The following HTR4 variants were observed in gnomAD, a reference collection of about 807,000 sequenced individuals.
HTR4 encodes the protein 5-hydroxytryptamine receptor 4, also known as 5-hydroxytryptamine (serotonin) receptor 4, G protein-coupled.
A neutral mutation model predicts 36.8 loss-of-function variants in HTR4; 16 were observed. The ratio of observed to expected loss-of-function variants is 0.43; its 90% confidence interval spans 0.29 to 0.66. The LOEUF is 0.66. Ranked by LOEUF, HTR4 falls within the 30% of genes least tolerant of loss-of-function variation. The pLI, the probability that HTR4 is intolerant of heterozygous loss-of-function variation, is 0.13. For synonymous variants in HTR4, 189 were observed against 185.1 expected, an observed-to-expected ratio of 1.02 and a Z score of -0.17; for missense variants, 438 against 490.9, an observed-to-expected ratio of 0.89 and a Z score of 1.02.
chr5:148,584,062 T>C (rs1371316791), intron 2 of HTR4, among the ~76,000 whole-genome samples: 1 of 152,180 alleles, frequency 6.6e-6, no homozygotes, highest in Non-Finnish European at 1.5e-5. Flanking sequence ...TACCCAACTT[T>C]TAGTGGAGAA....
chr5:148,646,908 A>T (rs949780103), intron 1 of HTR4, among the ~76,000 whole-genome samples: 2 of 152,218 alleles, frequency 1.3e-5, no homozygotes, highest in Non-Finnish European at 2.9e-5. Flanking sequence ...ACAAACAACA[A>T]CAACAACAAA....
At chr5:148,548,370 T>A (rs1031530186) in intron 4 of HTR4, among the ~76,000 whole-genome samples, 2 of 152,206 alleles carry the variant, frequency 1.3e-5, no homozygotes, top group African/African-American at 2.4e-5. Context: ...GCCATCAGTA[T>A]AAAATTTACA....
intron 2 of HTR4, among the ~76,000 whole-genome samples, chr5:148,579,743 C>A (rs371369028): frequency 1.3e-5 from 2 of 152,136 alleles, no homozygotes; most frequent in East Asian, 3.9e-4. Flanking sequence ...GCTGAGGTAA[C>A]TTGCAGCTCC....
intron 2 of HTR4, among the ~76,000 whole-genome samples, chr5:148,596,420 C>T (rs1158252884): frequency 2.0e-5 from 3 of 152,140 alleles, no homozygotes; most frequent in Admixed American, 2.0e-4. Flanking sequence ...CTTACCCAAG[C>T]ATTCAAAGCT....
chr5:148,487,877 T>C (rs533178183), intron 6 of HTR4, among the ~76,000 whole-genome samples: 1 of 152,212 alleles, frequency 6.6e-6, no homozygotes, highest in South Asian at 2.1e-4. Context: ...AAATAAAACA[T>C]ACATTTCAGC....
At chr5:148,480,539 C>T (rs1199174282), downstream of HTR4, among the ~76,000 whole-genome samples, 3 of 152,148 alleles carry the variant, frequency 2.0e-5, no homozygotes, top group South Asian at 2.1e-4. Context: ...CCACCATACT[C>T]GGCTAATTTT....
At chr5:148,556,518 A>C (rs1759959031) in intron 2 of HTR4, among the ~76,000 whole-genome samples, 1 of 152,200 alleles carries the variant, frequency 6.6e-6, no homozygotes, top group South Asian at 2.1e-4. Context: ...TACTAGATTC[A>C]ATAGTAAAGA....
chr5:148,653,555 A>G (rs1251170699), intron 1 of HTR4, among the ~76,000 whole-genome samples: 3 of 152,104 alleles, frequency 2.0e-5, no homozygotes, highest in Admixed American at 2.0e-4. Context: ...GGCTACGTAT[A>G]CACACACATC....
intron 6 of HTR4, among the ~76,000 whole-genome samples, chr5:148,497,693 T>G (rs1013226507): frequency 5.3e-5 from 8 of 152,216 alleles, no homozygotes; most frequent in Non-Finnish European, 1.0e-4. Flanking sequence ...AAAACACAGC[T>G]GCAGAACAAG....
At chr5:148,475,841 C>A (rs551426925), downstream of HTR4, among the ~76,000 whole-genome samples, 1 of 152,188 alleles carries the variant, frequency 6.6e-6, no homozygotes, top group Non-Finnish European at 1.5e-5. Flanking sequence ...AACCCACTGA[C>A]GCCTCATCAC....
chr5:148,454,611 C>T (rs1359878264), intron 5 of HTR4, among the ~76,000 whole-genome samples: 1 of 152,200 alleles, frequency 6.6e-6, no homozygotes, highest in African/African-American at 2.4e-5. Flanking sequence ...CTTTGCCTTT[C>T]CCTTCTCCCT....
At chr5:148,451,518 G>A (rs912473853) in intron 5 of HTR4, among the ~76,000 whole-genome samples, 3 of 152,078 alleles carry the variant, frequency 2.0e-5, no homozygotes, top group African/African-American at 7.2e-5. Context: ...TGCATAGGGG[G>A]TAAGTGGCAG....
chr5:148,539,370 C>A (rs759062002), intron 4 of HTR4, among the ~76,000 whole-genome samples: 5 of 152,102 alleles, frequency 3.3e-5, no homozygotes, highest in Admixed American at 1.3e-4. Flanking sequence ...CAAAAATTAA[C>A]AAGTGGGATC....
chr5:148,570,017 T>A (rs943880730), intron 2 of HTR4, among the ~76,000 whole-genome samples: 4 of 152,106 alleles, frequency 2.6e-5, no homozygotes, highest in Non-Finnish European at 5.9e-5. Context: ...GGCCAACACC[T>A]AAGTCTTCTC....
At chr5:148,644,132 G>T (rs896913260) in intron 1 of HTR4, among the ~76,000 whole-genome samples, 1 of 152,118 alleles carries the variant, frequency 6.6e-6, no homozygotes, top group South Asian at 2.1e-4. Context: ...TACTGTTGCT[G>T]GTGGTTCAGG....
intron 1 of HTR4, among the ~76,000 whole-genome samples, chr5:148,644,447 T>G (rs1753820981): frequency 2.1e-5 from 3 of 140,964 alleles, no homozygotes; most frequent in South Asian, 4.9e-4. Flanking sequence ...TTTTTTTTTT[T>G]TTTTTTTTGC....
At chr5:148,581,824 T>C (rs1053844637) in intron 2 of HTR4, among the ~76,000 whole-genome samples, 1 of 152,130 alleles carries the variant, frequency 6.6e-6, no homozygotes, top group Non-Finnish European at 1.5e-5. Flanking sequence ...ATTTAAGGTC[T>C]TTTGCAGTTG....
At position 148,498,477 on chromosome 5, in the gene HTR4, AT is replaced by A. The variant is rs141480726; in HGVS notation, c.1076+10978del. On this transcript the variant is annotated intron_variant, in intron 6 of 6. Coordinates refer to ENST00000377888, the MANE Select transcript of HTR4 (RefSeq NM_000870.7). ...TCAGGAACACCTTTCATCAGCAAAA[AT>A]GATCAATCAATTGATCATCTACTGT... is the stretch of plus-strand genomic sequence containing the variant. Among the ~76,000 whole-genome samples, 647 of 152,310 alleles carry A rather than the reference AT, an allele frequency of 4.2e-3. 6 individuals carry two copies. Among genetic ancestry groups the A allele is most frequent in the African/African-American group, 0.015 (614 of 41,566 alleles).
At position 148,512,536 on chromosome 5, in the gene HTR4, C is replaced by G. The variant is rs553151529; in HGVS notation, c.508-2512G>C. ...GCACATATATCACTCTGTGGCATGG[C>G]TTTTCACTCTAGTATCTTGTGATAG... On this transcript the variant is annotated intron_variant, in intron 5 of 6. Transcript: ENST00000377888. 3.3e-4 allele frequency among the ~76,000 whole-genome samples: 50 copies of G among 152,282 alleles called. 1 individual carries two copies. The South Asian group carries it at 0.01, about 31-fold the overall frequency.
Sources: allele counts gnomAD v4.1 joint callset (sites outside exome capture counted in the v4.1 genomes callset), GRCh38; gene constraint gnomAD v4.1.1; transcripts MANE v1.5; gene names NCBI Gene and HGNC (gene_info 2026-07-23, HGNC 2026-07-21).